Variants in CRB1 observed in about 807,000 individuals in gnomAD.
CRB1 encodes crumbs cell polarity complex component 1.
Under a neutral mutation model 120.0 loss-of-function variants are expected in CRB1, and 83 were observed. The ratio of observed to expected loss-of-function variants is 0.69; its 90% CI spans 0.58 to 0.83. CRB1 has a LOEUF of 0.83. Among genes scored for constraint, CRB1 ranks in the 40% least tolerant of loss-of-function variants. The pLI is 0.00. For synonymous variants in CRB1, 625 were observed against 612.5 expected, an observed-to-expected ratio of 1.02 and a Z score of -0.30; for missense variants, 1,699 against 1,687.6, an observed-to-expected ratio of 1.01 and a Z score of -0.12.
At chr1:197,220,175 T>G in the CRB1 span, among the ~76,000 whole-genome samples, 1 of 151,900 alleles carries the variant, frequency 6.6e-6, no homozygotes, top group East Asian at 1.9e-4. Context: ...TTAACTAAAA[T>G]TGATTGCAAA....
chr1:197,256,325 G>A, the CRB1 span, among the ~76,000 whole-genome samples: 1 of 151,844 alleles, frequency 6.6e-6, no homozygotes, highest in African/African-American at 2.4e-5. Flanking sequence ...GAGCCACAGG[G>A]AGTAGTCCTT....
Position 197,328,632 on chromosome 1 carries a change from T to G in CRB1, c.281T>G (p.Phe94Cys). 1.2e-6 allele frequency: 2 copies of G among 1,614,174 alleles called. No homozygotes were observed. The highest frequency in any genetic ancestry group is 1.7e-6 in the Non-Finnish European group (2 of 1,180,014). ...GTGAACACCCCAGGAGAAAGGAGCTTTCTGTGCAAATGTCCTCCTGGGTAC... is the reference window on the plus strand; with the variant it reads ...GTGAACACCCCAGGAGAAAGGAGCTGTCTGTGCAAATGTCCTCCTGGGTAC... The part of the protein sequence containing the change: ...TCVNTPGERS[F>C]LCKCPPGYSG... The change falls in exon 2 of 12, where the codon TTT (phenylalanine) becomes TGT (cysteine). Residue 94 changes from phenylalanine (F) to cysteine (C), a missense_variant. Phe to Cys is a radical substitution (Grantham distance 205). Transcript: ENST00000367400.
At chr1:197,404,441 C>CAAAA (rs558125777) in intron 5 of CRB1, among the ~76,000 whole-genome samples, 7 of 58,720 alleles carry the variant, frequency 1.2e-4, no homozygotes, top group African/African-American at 4.1e-4. Flanking sequence ...GACTCCGTCT[C>CAAAA]AAAAAAAAAA....
chr1:197,351,550 G>A (rs189604157), intron 4 of CRB1, among the ~76,000 whole-genome samples: 5 of 152,226 alleles, frequency 3.3e-5, no homozygotes, highest in Admixed American at 1.3e-4. Flanking sequence ...TGCCAACTAC[G>A]GGGCAGAGAA....
intron 5 of CRB1, among the ~76,000 whole-genome samples, chr1:197,376,295 C>T (rs1661642302): frequency 6.6e-6 from 1 of 152,112 alleles, no homozygotes; most frequent in Non-Finnish European, 1.5e-5. Context: ...CTTCCCTTAA[C>T]TTTTGTATTT....
chr1:197,348,416 G>A (rs72740539), intron 4 of CRB1, among the ~76,000 whole-genome samples: 2,570 of 152,266 alleles, frequency 0.017, 42 homozygotes, highest in Non-Finnish European at 0.028. Context: ...TTAATAAAAG[G>A]TTTAAAAGCT....
chr1:197,287,000 TAA>T (rs1489170800), intron 1 of CRB1, among the ~76,000 whole-genome samples: 1 of 151,884 alleles, frequency 6.6e-6, no homozygotes, highest in Non-Finnish European at 1.5e-5. Context: ...GTTCTCAAAG[TAA>T]AGTTAGGTTG....
At chr1:197,224,538 A>C in the CRB1 span, among the ~76,000 whole-genome samples, 1 of 152,152 alleles carries the variant, frequency 6.6e-6, no homozygotes, top group Non-Finnish European at 1.5e-5. Context: ...TAAATAAATG[A>C]AATTTCACCA....
intron 1 of CRB1, among the ~76,000 whole-genome samples, chr1:197,319,125 G>T (rs1399229043): frequency 6.6e-6 from 1 of 151,236 alleles, no homozygotes; most frequent in Non-Finnish European, 1.5e-5. Context: ...TTAAACAAAG[G>T]TATATTATTG....
chr1:197,403,095 A>G (rs777050852), intron 5 of CRB1, among the ~76,000 whole-genome samples: 4 of 152,296 alleles, frequency 2.6e-5, no homozygotes, highest in South Asian at 4.1e-4. Flanking sequence ...ATGTTTTGTT[A>G]TAAGCCAGAT....
chr1:197,279,920 CTA>C (rs1352676120), intron 1 of CRB1, among the ~76,000 whole-genome samples: 1 of 150,882 alleles, frequency 6.6e-6, no homozygotes, highest in Non-Finnish European at 1.5e-5. Flanking sequence ...CCCAATTTCT[CTA>C]TGTCAGACAT....
At chr1:197,402,162 A>G (rs1663097479) in intron 5 of CRB1, among the ~76,000 whole-genome samples, 1 of 152,116 alleles carries the variant, frequency 6.6e-6, no homozygotes, top group South Asian at 2.1e-4. Flanking sequence ...TAAGCCTAGT[A>G]CTCAATAGTT....
Position 197,405,582 on chromosome 1 carries a change from G to A in CRB1, c.1172-15418G>A, listed in dbSNP as rs576986280. Among the ~76,000 whole-genome samples the A allele has an allele frequency of 3.7e-4, 56 of 151,832 alleles. No homozygotes were observed. The East Asian group carries it at 8.0e-3, about 22-fold the overall frequency. ...CCCCTCTGCCTGGCTTGCCCAGTCT[G>A]GAAAGTGAGGAGCGTCTCTGCCCGG... On this transcript the variant is annotated intron_variant, in intron 5 of 11. Coordinates refer to ENST00000367400, the MANE Select transcript of CRB1 (RefSeq NM_201253.3).
At chr1:197,364,812 A>T (rs1439536042) in intron 5 of CRB1, among the ~76,000 whole-genome samples, 1 of 151,800 alleles carries the variant, frequency 6.6e-6, no homozygotes, top group African/African-American at 2.4e-5. Flanking sequence ...TTGCTTTTTA[A>T]ATCATTTTTA....
At chr1:197,338,209 G>A (rs1659263147) in intron 2 of CRB1, among the ~76,000 whole-genome samples, 1 of 151,842 alleles carries the variant, frequency 6.6e-6, no homozygotes, top group Admixed American at 6.6e-5. Context: ...AAAAAGTGTG[G>A]GTGTATATAT....
At chr1:197,417,174 G>C (rs1664050319) in intron 5 of CRB1, among the ~76,000 whole-genome samples, 1 of 152,162 alleles carries the variant, frequency 6.6e-6, no homozygotes, top group Non-Finnish European at 1.5e-5. Flanking sequence ...AGTGACCATA[G>C]CTTCCAGGAG....
intron 10 of CRB1, chr1:197,438,977 CT>C (rs1484150206): frequency 3.1e-6 from 1 of 326,586 alleles, no homozygotes; most frequent in Non-Finnish European, 5.9e-6. Flanking sequence ...GTTGCTAACT[CT>C]AATACATGAT....
At chr1:197,428,514 C>T (rs946170571) in intron 7 of CRB1, among the ~76,000 whole-genome samples, 1 of 152,180 alleles carries the variant, frequency 6.6e-6, no homozygotes, top group African/African-American at 2.4e-5. Flanking sequence ...ATTCTATGTG[C>T]TCTTCTAAGA....
chr1:197,397,560 C>A (rs1558107097), intron 5 of CRB1, among the ~76,000 whole-genome samples: 2 of 152,042 alleles, frequency 1.3e-5, no homozygotes, highest in Non-Finnish European at 2.9e-5. Context: ...TGATAAGAAC[C>A]CAAATCTTCA....
Sources: allele counts gnomAD v4.1 joint callset (sites outside exome capture counted in the v4.1 genomes callset), GRCh38; gene constraint gnomAD v4.1.1; transcripts MANE v1.5; gene names NCBI Gene and HGNC (gene_info 2026-07-23, HGNC 2026-07-21).